KIF20B: variants seen among roughly 807,000 people sequenced by gnomAD.
KIF20B encodes kinesin family member 20B.
A neutral mutation model predicts 232.5 loss-of-function variants in KIF20B; 188 were observed. The ratio of observed to expected loss-of-function variants is 0.81; its 90% CI spans 0.72 to 0.91. The LOEUF is 0.91. Ranked by LOEUF, KIF20B falls within the 40% of genes least tolerant of loss-of-function variation. The pLI is 0.00. For synonymous variants in KIF20B, 712 were observed against 683.0 expected, an observed-to-expected ratio of 1.04 and a Z score of -0.66; for missense variants, 2,154 against 2,055.9, an observed-to-expected ratio of 1.05 and a Z score of -0.92.
chr10:89,703,431 G>T (rs1268504952), intron 1 of KIF20B, among the ~76,000 whole-genome samples: 1 of 152,178 alleles, frequency 6.6e-6, no homozygotes, highest in Non-Finnish European at 1.5e-5. Flanking sequence ...ACCTTTTCTA[G>T]ACCAGGGTGA....
At chr10:89,717,234 G>T (rs1053054654) in intron 9 of KIF20B, among the ~76,000 whole-genome samples, 190 bp from the exon 10 acceptor site, 1 of 152,178 alleles carries the variant, frequency 6.6e-6, no homozygotes, top group Non-Finnish European at 1.5e-5. Context: ...GGCAAAAGGT[G>T]ATTTTAGGCA....
intron 27 of KIF20B, among the ~76,000 whole-genome samples, chr10:89,760,052 C>CT (rs1842205951): frequency 6.6e-6 from 1 of 152,108 alleles, no homozygotes; most frequent in African/African-American, 2.4e-5. Flanking sequence ...TACTGTAATG[C>CT]TATAGTTGCA....
rs186222543 is a variant in KIF20B, at chr10:89,719,304, A to G, written c.1435-115A>G. On this transcript the variant is annotated intron_variant, in intron 12 of 32. Transcript: ENST00000371728. The stretch of plus-strand genomic sequence containing the variant: ...GATTCCTGTTTGTATGTTTGTTTGA[A>G]TAGTTTTTCCTTAACACTTGAGTGT... 3.1e-5 allele frequency: 22 copies of G among 714,678 alleles called. No homozygotes were observed. The East Asian group carries it at 5.4e-4, about 17-fold the overall frequency. 44.3% of individuals were successfully genotyped at this position (714,678 alleles called of 1,614,324 possible).
At chr10:89,730,358 T>C (rs918370335) in intron 18 of KIF20B, among the ~76,000 whole-genome samples, 5 of 152,162 alleles carry the variant, frequency 3.3e-5, no homozygotes, top group African/African-American at 1.2e-4. Flanking sequence ...GCTAGATTAT[T>C]GGAATTATAC....
At chr10:89,748,885 A>C (rs1198713887) in intron 23 of KIF20B, among the ~76,000 whole-genome samples, 1 of 151,976 alleles carries the variant, frequency 6.6e-6, no homozygotes, top group African/African-American at 2.4e-5. Context: ...CTATGCTTCT[A>C]AGTCACTTGT....
chr10:89,711,123 C>G lies in KIF20B; in HGVS notation c.653C>G (p.Ala218Gly). The G allele has an allele frequency of 6.5e-7, 1 of 1,549,594 alleles. No homozygotes were observed. Among genetic ancestry groups the G allele is most frequent in the Non-Finnish European group, 8.7e-7 (1 of 1,146,190 alleles). ...AAAGAAGAAATTGCTAGCAAAAGTG[C>G]ATTGCTTCGGCAAATTAAAGAGGTA... is the stretch of plus-strand genomic sequence containing the variant. ...QEKEEIASKS[A>G]LLRQIKEVTV... Residue 218 changes from alanine (A) to glycine (G), a missense_variant, in exon 6 of 33, where the codon GCA (alanine) becomes GGA (glycine). Coordinates refer to ENST00000371728, the MANE Select transcript of KIF20B (RefSeq NM_001284259.2).
In KIF20B at chr10:89,774,399, TTATC is replaced by T. The variant is rs1424400201; in HGVS notation, c.*353_*356del. The T allele has an allele frequency of 6.3e-6, 1 of 157,772 alleles. No individual in the cohort carries two copies. Among genetic ancestry groups the T allele is most frequent in the Non-Finnish European group, 1.4e-5 (1 of 72,012 alleles). The allele number at this position is 157,772 out of a possible 1,614,324, so 9.8% of individuals were successfully genotyped here. Reference sequence around the variant, plus strand: ...CAATGTCTTATGAATTTTTTTTACTTTATCTGTTATACAACTGATTTTACATATC... The same window carrying T: ...CAATGTCTTATGAATTTTTTTTACTTTGTTATACAACTGATTTTACATATC... On this transcript the variant is annotated 3_prime_UTR_variant, in exon 33 of 33. Coordinates refer to ENST00000371728, the MANE Select transcript of KIF20B (RefSeq NM_001284259.2).
At chr10:89,746,522 T>C (rs1841914500) in intron 23 of KIF20B, among the ~76,000 whole-genome samples, 1 of 152,188 alleles carries the variant, frequency 6.6e-6, no homozygotes, top group African/African-American at 2.4e-5. Flanking sequence ...TGTGTTCCTC[T>C]AGATGTTCAG....
At chr10:89,727,059 G>T (rs967938748) in intron 16 of KIF20B, among the ~76,000 whole-genome samples, 1 of 151,600 alleles carries the variant, frequency 6.6e-6, no homozygotes, top group Non-Finnish European at 1.5e-5. Flanking sequence ...GATACTGCCT[G>T]CCTCGGCCTC....
intron 26 of KIF20B, among the ~76,000 whole-genome samples, chr10:89,755,045 G>A (rs1034000449): frequency 6.6e-6 from 1 of 152,120 alleles, no homozygotes; most frequent in South Asian, 2.1e-4. Context: ...TAAATAGTTT[G>A]TAAAAGACTA....
Position 89,723,990 on chromosome 10 carries a change from G to GA in KIF20B, c.1758dup (p.Leu587ThrfsTer4), listed in dbSNP as rs753332734. The GA allele has an allele frequency of 1.1e-3, 1,622 of 1,521,332 alleles. No individual in the cohort carries two copies. The highest frequency in any genetic ancestry group is 3.0e-3 in the South Asian group (238 of 78,044). 94.2% of individuals were successfully genotyped at this position (1,521,332 alleles called of 1,614,324 possible). ...AACTGTTGGACTTAATAGAAGACTT[G>GA]AAAAAAAAACTGATAAATGAAAAAA... On this transcript the variant is annotated frameshift_variant, in exon 14 of 33. Coordinates refer to ENST00000371728, the MANE Select transcript of KIF20B (RefSeq NM_001284259.2). LOFTEE classifies it high-confidence loss of function.
chr10:89,726,296 A>T lies in KIF20B; in HGVS notation c.2005A>T (p.Thr669Ser), dbSNP rs1163531647. The T allele has an allele frequency of 1.3e-6, 2 of 1,544,650 alleles. No individual in the cohort carries two copies. The highest frequency in any genetic ancestry group is 4.9e-5 in the East Asian group (2 of 40,718). The change falls in exon 16 of 33, where the codon ACA becomes TCA. Residue 669 changes from threonine to serine, a missense_variant. Transcript: ENST00000371728. Reference protein sequence around the residue: ...ICATKVETEETHNYVGFEDII... With the variant: ...ICATKVETEESHNYVGFEDII... Reference sequence around the variant, plus strand: ...ATGTGGTTTTTGCTATTTTTAGGAAACACATAATTATGTAGGATTTGAAGA... The same window carrying T: ...ATGTGGTTTTTGCTATTTTTAGGAATCACATAATTATGTAGGATTTGAAGA...
At chr10:89,717,778 C>T in intron 11 of KIF20B, 56 bp downstream of exon 11, 1 of 1,315,746 alleles carries the variant, frequency 7.6e-7, no homozygotes, top group Non-Finnish European at 1.0e-6. Flanking sequence ...TTTAAACTTT[C>T]AACTTTTTTG....
At chr10:89,752,530 A>G (rs757680850) in intron 24 of KIF20B, 37 bp from the exon 25 acceptor site, 4 of 1,507,738 alleles carry the variant, frequency 2.7e-6, no homozygotes, top group Admixed American at 4.0e-5. Flanking sequence ...TAACTTTTGC[A>G]TATGCTTTAA....
Position 89,768,835 on chromosome 10 carries a change from T to G in KIF20B, c.5189T>G (p.Leu1730Arg). 1 of 1,609,510 alleles carries G rather than the reference T, an allele frequency of 6.2e-7. No individual in the cohort carries two copies. The change falls in exon 31 of 33, where the codon CTA becomes CGA. Residue 1730 changes from leucine (L) to arginine (R), a missense_variant. By Grantham distance (102) the Leu-to-Arg change is moderately radical. Coordinates refer to ENST00000371728, the MANE Select transcript of KIF20B (RefSeq NM_001284259.2). ...GCCACTAAGAAAAAAGAAGGAACACTACAGAAATTTGGAGACTTCTTACAA... is the reference window on the plus strand; with the variant it reads ...GCCACTAAGAAAAAAGAAGGAACACGACAGAAATTTGGAGACTTCTTACAA... Reference protein sequence around the residue: ...NLATKKKEGTLQKFGDFLQHS... With the variant: ...NLATKKKEGTRQKFGDFLQHS...
rs1842889672 is a variant in KIF20B at position 89,714,167 on chromosome 10, A to C, written c.712+84A>C. The C allele has an allele frequency of 5.2e-6, 4 of 772,676 alleles. 1 individual carries two copies. The South Asian group carries it at 1.1e-4, about 21-fold the overall frequency. 47.9% of individuals were successfully genotyped at this position (772,676 alleles called of 1,614,324 possible). A position where few individuals can be genotyped will look rare whatever the true frequency, so the allele number is the denominator to read the frequency against. On this transcript the variant is annotated intron_variant, in intron 7 of 32. Coordinates refer to ENST00000371728, the MANE Select transcript of KIF20B (RefSeq NM_001284259.2). ...AGCTTTTAATTTTTAAATCACTTCTAATGTTTTATTTTTATTATTAAAAAA... is the reference window on the plus strand; with the variant it reads ...AGCTTTTAATTTTTAAATCACTTCTCATGTTTTATTTTTATTATTAAAAAA...
At chr10:89,712,977 A>G (rs1842863476) in intron 6 of KIF20B, among the ~76,000 whole-genome samples, 1 of 152,178 alleles carries the variant, frequency 6.6e-6, no homozygotes, top group Non-Finnish European at 1.5e-5. Context: ...ATGGTCTCTG[A>G]AAGTAGAATA....
At chr10:89,726,268 G>A in intron 15 of KIF20B, 25 bp from the exon 16 acceptor site, 1 of 1,535,898 alleles carries the variant, frequency 6.5e-7, no homozygotes, top group South Asian at 1.2e-5. Flanking sequence ...GTTAATATTA[G>A]GCATGTGGTT....
At chr10:89,712,159 T>A (rs556950383) in intron 6 of KIF20B, among the ~76,000 whole-genome samples, 5 of 152,296 alleles carry the variant, frequency 3.3e-5, no homozygotes, top group African/African-American at 1.2e-4. Context: ...TTTAAAAAAA[T>A]GAATACATTA....
Sources: gnomAD v4.1 joint callset for allele counts (sites outside exome capture counted in the v4.1 genomes callset) on GRCh38, gnomAD v4.1.1 for gene constraint, MANE v1.5 for transcripts, NCBI Gene and HGNC (gene_info 2026-07-23, HGNC 2026-07-21) for gene names.